SLC35F4: variants seen among roughly 807,000 people sequenced by gnomAD.
SLC35F4 encodes chromosome 14 open reading frame 36.
In SLC35F4, 24 loss-of-function variants were observed where a neutral mutation model predicts 44.2. The ratio of observed to expected loss-of-function variants is 0.54; its 90% CI spans 0.39 to 0.76. The LOEUF is 0.76. Among genes scored for constraint, SLC35F4 ranks in the 30% least tolerant of loss-of-function variants. The pLI, the probability that SLC35F4 is intolerant of heterozygous loss-of-function variation, is 0.00. For synonymous variants in SLC35F4, 238 were observed against 223.6 expected, an observed-to-expected ratio of 1.06 and a Z score of -0.57; for missense variants, 562 against 586.1, an observed-to-expected ratio of 0.96 and a Z score of 0.42.
chr14:57,940,389 G>A (rs188793906), intron 1 of SLC35F4, among the ~76,000 whole-genome samples: 1 of 152,156 alleles, frequency 6.6e-6, no homozygotes, highest in Non-Finnish European at 1.5e-5. Context: ...AGTTCATTCT[G>A]TACACCCTAA....
intron 1 of SLC35F4, among the ~76,000 whole-genome samples, chr14:57,635,119 A>C (rs2072961595): frequency 6.6e-6 from 1 of 151,816 alleles, no homozygotes. Flanking sequence ...GATGGCATGC[A>C]CCTATAGTCC....
intron 4 of SLC35F4, among the ~76,000 whole-genome samples, chr14:57,573,784 C>G (rs914522332): frequency 2.6e-5 from 4 of 152,152 alleles, no homozygotes; most frequent in Admixed American, 2.0e-4. Context: ...GGTTAGTGTT[C>G]ATGTGCACAA....
At chr14:57,747,893 T>C (rs748393477) in intron 1 of SLC35F4, among the ~76,000 whole-genome samples, 11 of 152,184 alleles carry the variant, frequency 7.2e-5, no homozygotes, top group Non-Finnish European at 1.6e-4. Flanking sequence ...ATTTAAATTA[T>C]TGATAGAAAA....
At chr14:57,929,373 T>C (rs906922305) in intron 1 of SLC35F4, among the ~76,000 whole-genome samples, 5 of 152,234 alleles carry the variant, frequency 3.3e-5, no homozygotes, top group East Asian at 1.9e-4. Flanking sequence ...GAAGAAATGT[T>C]TGGGAAAACC....
chr14:57,916,009 C>A, intron 1 of SLC35F4, among the ~76,000 whole-genome samples: 1 of 152,180 alleles, frequency 6.6e-6, no homozygotes, highest in East Asian at 1.9e-4. Context: ...TGTTTTAGTT[C>A]GTTTTCTGTT....
At chr14:57,637,585 A>G (rs1294574158) in intron 1 of SLC35F4, among the ~76,000 whole-genome samples, 1 of 152,150 alleles carries the variant, frequency 6.6e-6, no homozygotes, top group Non-Finnish European at 1.5e-5. Flanking sequence ...GGACTGCTGT[A>G]CTAGAAGCAG....
chr14:57,694,680 T>G (rs1190512493), intron 1 of SLC35F4, among the ~76,000 whole-genome samples: 2 of 152,178 alleles, frequency 1.3e-5, no homozygotes, highest in African/African-American at 4.8e-5. Context: ...ATAGCATATC[T>G]CTCCATTTAT....
chr14:57,569,182 T>C (rs528347761), intron 6 of SLC35F4, among the ~76,000 whole-genome samples: 87 of 152,282 alleles, frequency 5.7e-4, no homozygotes, highest in African/African-American at 2.0e-3. Context: ...TGGCAATGTC[T>C]TCCTATCACA....
chr14:57,787,610 T>A (rs912389763), intron 1 of SLC35F4, among the ~76,000 whole-genome samples: 4 of 152,172 alleles, frequency 2.6e-5, no homozygotes, highest in Non-Finnish European at 4.4e-5. Flanking sequence ...ATCTTCAATC[T>A]CCTCAAACAA....
chr14:57,647,640 T>C (rs900809208), intron 1 of SLC35F4, among the ~76,000 whole-genome samples: 3 of 152,160 alleles, frequency 2.0e-5, no homozygotes, highest in African/African-American at 7.2e-5. Flanking sequence ...TCCATTGATA[T>C]TGAAAAATAT....
chr14:57,612,425 A>G (rs1444211864), intron 1 of SLC35F4, among the ~76,000 whole-genome samples: 3 of 152,190 alleles, frequency 2.0e-5, no homozygotes, highest in East Asian at 1.9e-4. Flanking sequence ...CTATGAATTC[A>G]TATTCAAGCT....
At chr14:57,900,208 G>A (rs940555905) in intron 1 of SLC35F4, among the ~76,000 whole-genome samples, 2 of 152,140 alleles carry the variant, frequency 1.3e-5, no homozygotes, top group African/African-American at 4.8e-5. Context: ...CCCCACTGGG[G>A]ACCCAGGAAG....
chr14:57,820,386 G>A (rs1883040978), intron 1 of SLC35F4, among the ~76,000 whole-genome samples: 2 of 152,138 alleles, frequency 1.3e-5, no homozygotes, highest in Non-Finnish European at 2.9e-5. Flanking sequence ...ATGTGAGTCT[G>A]GGTAAGAGAA....
intron 5 of SLC35F4, among the ~76,000 whole-genome samples, chr14:57,570,997 A>G (rs900932040): frequency 3.3e-5 from 5 of 152,184 alleles, no homozygotes; most frequent in African/African-American, 7.2e-5. Flanking sequence ...CACAGAATCA[A>G]TGGGCCAAGA....
chr14:57,854,287 T>C (rs865904416), intron 1 of SLC35F4, among the ~76,000 whole-genome samples: 5 of 152,174 alleles, frequency 3.3e-5, no homozygotes, highest in Non-Finnish European at 5.9e-5. Flanking sequence ...TATATTTCTC[T>C]GTGTCTTGAA....
chr14:57,744,916 C>G (rs149038855), intron 1 of SLC35F4, among the ~76,000 whole-genome samples: 2,556 of 152,232 alleles, frequency 0.017, 33 homozygotes, highest in Middle Eastern at 0.048. Flanking sequence ...GAACAGAACA[C>G]AGCCCTCAGA....
chr14:57,632,136 A>T (rs543354070), intron 1 of SLC35F4, among the ~76,000 whole-genome samples: 1 of 151,844 alleles, frequency 6.6e-6, no homozygotes, highest in South Asian at 2.1e-4. Context: ...ATTTATATGC[A>T]GGTTTAATTT....
chr14:57,859,128 G>A (rs1887445959), intron 1 of SLC35F4, among the ~76,000 whole-genome samples: 1 of 151,794 alleles, frequency 6.6e-6, no homozygotes, highest in African/African-American at 2.4e-5. Flanking sequence ...GGGGCTTAGG[G>A]GGAGGAAGAG....
chr14:57,581,767 T>C (rs2069285804), intron 3 of SLC35F4, among the ~76,000 whole-genome samples: 1 of 152,216 alleles, frequency 6.6e-6, no homozygotes, highest in Non-Finnish European at 1.5e-5. Context: ...CACTAGCTAT[T>C]GGAAGAGGGT....
Sources: gnomAD v4.1 joint callset for allele counts (sites outside exome capture counted in the v4.1 genomes callset) on GRCh38, gnomAD v4.1.1 for gene constraint, MANE v1.5 for transcripts, NCBI Gene and HGNC (gene_info 2026-07-23, HGNC 2026-07-21) for gene names.